LRP1B: variants seen among roughly 807,000 people sequenced by gnomAD.
The protein encoded by LRP1B is low-density lipoprotein receptor-related protein 1B.
Under a neutral mutation model 556.6 loss-of-function variants are expected in LRP1B, and 217 were observed. That is an observed-to-expected ratio of 0.39 (90% confidence interval 0.35 to 0.44). LRP1B has a LOEUF of 0.44. Ranked by LOEUF, LRP1B falls within the 20% of genes least tolerant of loss-of-function variation. The pLI is 1.00. For synonymous variants in LRP1B, 2,047 were observed against 1,865.8 expected, an observed-to-expected ratio of 1.10 and a Z score of -2.50; for missense variants, 5,053 against 5,620.8, an observed-to-expected ratio of 0.90 and a Z score of 3.23.
chr2:140,421,192 CTGCAGTGAGCCAAGAT>C (rs1224184196), intron 66 of LRP1B, among the ~76,000 whole-genome samples: 1 of 152,066 alleles, frequency 6.6e-6, no homozygotes, highest in Non-Finnish European at 1.5e-5. Context: ...GAGACAGAGA[CTGCAGTGAGCCAAGAT>C]TGCACCACTG....
intron 1 of LRP1B, among the ~76,000 whole-genome samples, chr2:142,050,815 AC>A (rs1704429846): frequency 1.3e-5 from 2 of 152,104 alleles, no homozygotes; most frequent in South Asian, 2.1e-4. Context: ...TCCTTTCCCA[AC>A]TAAATTTATA....
At chr2:140,628,105 G>A (rs1252083027) in intron 41 of LRP1B, among the ~76,000 whole-genome samples, 1 of 152,192 alleles carries the variant, frequency 6.6e-6, no homozygotes, top group Non-Finnish European at 1.5e-5. Context: ...CACCAGCAGA[G>A]ATCAGATGAA....
At chr2:140,425,194 CCTCA>C (rs1273211434) in intron 66 of LRP1B, among the ~76,000 whole-genome samples, 7 of 152,108 alleles carry the variant, frequency 4.6e-5, no homozygotes, top group Admixed American at 3.9e-4. Context: ...TCCTATGCCT[CCTCA>C]CTGTTAGTGA....
intron 86 of LRP1B, among the ~76,000 whole-genome samples, chr2:140,248,369 GAT>G (rs1266850395): frequency 6.6e-5 from 10 of 151,652 alleles, no homozygotes; most frequent in African/African-American, 2.4e-4. Context: ...ATTAATAAAT[GAT>G]AAATTTAAAA....
At chr2:140,397,042 T>C (rs984341217) in intron 66 of LRP1B, among the ~76,000 whole-genome samples, 40 of 152,186 alleles carry the variant, frequency 2.6e-4, no homozygotes, top group Admixed American at 1.3e-3. Flanking sequence ...TGAAATGCTG[T>C]GGGGTACCAG....
At chr2:140,334,940 AT>A (rs796622703) in intron 78 of LRP1B, among the ~76,000 whole-genome samples, 29 of 151,708 alleles carry the variant, frequency 1.9e-4, no homozygotes, top group Non-Finnish European at 3.2e-4. Context: ...TGAACACGCT[AT>A]TTTTTTTATA....
intron 1 of LRP1B, among the ~76,000 whole-genome samples, chr2:141,894,387 T>G: frequency 6.8e-6 from 1 of 147,724 alleles, no homozygotes; most frequent in South Asian, 2.3e-4. Flanking sequence ...CCTCCTTCCA[T>G]TCCTTCCTGT....
At chr2:141,836,099 A>G (rs537371017) in intron 1 of LRP1B, among the ~76,000 whole-genome samples, 2 of 152,122 alleles carry the variant, frequency 1.3e-5, no homozygotes, top group Non-Finnish European at 2.9e-5. Flanking sequence ...TGCCTAACAG[A>G]TGTGTATGTC....
chr2:141,165,369 G>C (rs1680207839), intron 7 of LRP1B, among the ~76,000 whole-genome samples: 1 of 151,494 alleles, frequency 6.6e-6, no homozygotes, highest in Admixed American at 6.6e-5. Context: ...GGATATATCT[G>C]TAAACTCTTT....
chr2:140,345,548 C>T (rs1039236687), intron 77 of LRP1B, among the ~76,000 whole-genome samples: 2 of 150,572 alleles, frequency 1.3e-5, no homozygotes, highest in African/African-American at 4.9e-5. Flanking sequence ...TCTATTCTTA[C>T]TGGTAATCTA....
rs114666645 is a variant in LRP1B, at chr2:141,508,511, G to A, written c.206-27978C>T. Reference sequence around the variant, plus strand: ...GAAAACTTACACTTAGCCTAGCTAGGGAAGAAAAAGCTGCTTCAAATCTAC... The same window carrying A: ...GAAAACTTACACTTAGCCTAGCTAGAGAAGAAAAAGCTGCTTCAAATCTAC... On this transcript the variant is annotated intron_variant, in intron 2 of 90. Coordinates refer to ENST00000389484, the MANE Select transcript of LRP1B (RefSeq NM_018557.3). Among the ~76,000 whole-genome samples the A allele has an allele frequency of 6.1e-4, 93 of 152,198 alleles. 1 individual carries two copies. Among genetic ancestry groups the A allele is most frequent in the African/African-American group, 2.1e-3 (89 of 41,530 alleles).
intron 43 of LRP1B, among the ~76,000 whole-genome samples, chr2:140,589,397 A>G (rs912064883): frequency 6.6e-6 from 1 of 152,182 alleles, no homozygotes; most frequent in Non-Finnish European, 1.5e-5. Flanking sequence ...TTTCTTAAAA[A>G]AAAACTAAAC....
chr2:140,580,755 T>A (rs1394673964), intron 43 of LRP1B, among the ~76,000 whole-genome samples: 1 of 152,196 alleles, frequency 6.6e-6, no homozygotes, highest in Non-Finnish European at 1.5e-5. Context: ...TTATCTTTTT[T>A]AAACAGTCCT....
chr2:142,065,897 G>C (rs900838002), intron 1 of LRP1B, among the ~76,000 whole-genome samples: 1 of 151,328 alleles, frequency 6.6e-6, no homozygotes, highest in Non-Finnish European at 1.5e-5. Context: ...ATTAGTACAA[G>C]TGAGAGTCTC....
chr2:140,797,809 A>T (rs533202374), intron 32 of LRP1B, among the ~76,000 whole-genome samples: 5 of 152,312 alleles, frequency 3.3e-5, no homozygotes, highest in African/African-American at 1.2e-4. Flanking sequence ...AAAGAAAAAA[A>T]TAAGCCTCTC....
intron 3 of LRP1B, among the ~76,000 whole-genome samples, chr2:141,463,399 G>T (rs1368274623): frequency 1.3e-5 from 2 of 150,876 alleles, no homozygotes; most frequent in Non-Finnish European, 3.0e-5. Context: ...AATAGAAAAA[G>T]CTATTGAAGA....
At chr2:141,571,296 C>T (rs911490066) in intron 2 of LRP1B, among the ~76,000 whole-genome samples, 7 of 150,708 alleles carry the variant, frequency 4.6e-5, no homozygotes, top group Non-Finnish European at 8.9e-5. Context: ...GAACCCCCAG[C>T]AAACTGCAGC....
intron 7 of LRP1B, among the ~76,000 whole-genome samples, chr2:141,156,867 C>T (rs1368669322): frequency 1.3e-5 from 2 of 152,044 alleles, no homozygotes; most frequent in Non-Finnish European, 2.9e-5. Context: ...AAAGCAGAGT[C>T]ACAATGAATT....
intron 3 of LRP1B, among the ~76,000 whole-genome samples, chr2:141,462,400 G>A (rs1017875784): frequency 2.0e-5 from 3 of 151,488 alleles, no homozygotes; most frequent in Non-Finnish European, 4.4e-5. Flanking sequence ...ATAAGAACAG[G>A]TCAAATTCTG....
Sources: gnomAD v4.1 joint callset for allele counts (sites outside exome capture counted in the v4.1 genomes callset) on GRCh38, gnomAD v4.1.1 for gene constraint, MANE v1.5 for transcripts, NCBI Gene and HGNC (gene_info 2026-07-23, HGNC 2026-07-21) for gene names.